Variants in ASTN2 observed in about 807,000 individuals in gnomAD.
ASTN2 encodes the protein astrotactin-2.
ASTN2 carries 54 observed loss-of-function variants against 139.8 expected under a neutral mutation model. The ratio of observed to expected loss-of-function variants is 0.39; its 90% confidence interval spans 0.31 to 0.48. The LOEUF (loss-of-function observed/expected upper bound fraction) is 0.48. ASTN2 is among the 20% of genes least tolerant of loss of function. The pLI is 0.95. For missense variants in ASTN2, 1,565 were observed against 1,725.1 expected (o/e 0.91, Z 1.64); for synonymous variants, 756 against 719.5 (o/e 1.05, Z -0.81).
intron 2 of ASTN2, among the ~76,000 whole-genome samples, chr9:117,273,553 T>C (rs943118370): frequency 6.6e-6 from 1 of 152,174 alleles, no homozygotes; most frequent in African/African-American, 2.4e-5. Flanking sequence ...ATGGTATTAT[T>C]AATAACAAAG....
At chr9:116,513,715 C>G (rs1850512025) in intron 19 of ASTN2, among the ~76,000 whole-genome samples, 1 of 152,122 alleles carries the variant, frequency 6.6e-6, no homozygotes. Flanking sequence ...ATTCTTTTTT[C>G]TCTAAACTTC....
At chr9:116,829,485 G>T (rs1831740958) in intron 11 of ASTN2, among the ~76,000 whole-genome samples, 1 of 152,050 alleles carries the variant, frequency 6.6e-6, no homozygotes, top group South Asian at 2.1e-4. Flanking sequence ...ATAAATAAAA[G>T]AGGTTTAATT....
chr9:116,575,334 C>T (rs934809953), intron 19 of ASTN2, among the ~76,000 whole-genome samples: 2 of 151,360 alleles, frequency 1.3e-5, no homozygotes, highest in Non-Finnish European at 2.9e-5. Flanking sequence ...ATGGTAAGGT[C>T]CAAAAAGATG....
chr9:116,735,634 C>T (rs541076029), intron 13 of ASTN2, among the ~76,000 whole-genome samples: 3 of 152,334 alleles, frequency 2.0e-5, no homozygotes, highest in Non-Finnish European at 2.9e-5. Flanking sequence ...AATGGCCATG[C>T]AGAATAATCA....
chr9:116,802,083 C>CTTTTTTTTTTTTTTTTT (rs796156202), intron 13 of ASTN2, among the ~76,000 whole-genome samples: 1 of 121,748 alleles, frequency 8.2e-6, no homozygotes, highest in Non-Finnish European at 1.7e-5. Context: ...TTCTTTCTTT[C>CTTTTTTTTTTTTTTTTT]TTTTTTTTTT....
chr9:116,569,066 ATTC>A (rs1853379647), intron 19 of ASTN2: 1 of 152,216 alleles, frequency 6.6e-6, no homozygotes, highest in South Asian at 2.1e-4. Flanking sequence ...TGAGCAAGAT[ATTC>A]TTCTTCTAGG....
intron 11 of ASTN2, among the ~76,000 whole-genome samples, chr9:116,840,212 G>A (rs1415412815): frequency 6.8e-6 from 1 of 148,018 alleles, no homozygotes. Flanking sequence ...CCGATCAACA[G>A]GATCCCAAGG....
chr9:116,882,780 T>C (rs1833482080), intron 10 of ASTN2, among the ~76,000 whole-genome samples: 1 of 151,744 alleles, frequency 6.6e-6, no homozygotes, highest in Non-Finnish European at 1.5e-5. Flanking sequence ...TGAGCTATGA[T>C]TGCGCCACTG....
At position 116,536,656 on chromosome 9, in the gene ASTN2, G is replaced by A. The variant is rs561887719; in HGVS notation, c.3356-49156C>T. 2.9e-4 allele frequency among the ~76,000 whole-genome samples: 44 copies of A among 152,386 alleles called. No homozygotes were observed. The East Asian group carries it at 5.6e-3, about 19-fold the overall frequency. On this transcript the variant is annotated intron_variant, in intron 19 of 22. Transcript: ENST00000313400. ...TGTTTGCCTGGGTATCAGCAGCGGA[G>A]GCTGCAGAACATCGAATATTGCTGA...
chr9:116,489,545 C>T (rs1236112691), intron 19 of ASTN2, among the ~76,000 whole-genome samples: 1 of 152,162 alleles, frequency 6.6e-6, no homozygotes, highest in Non-Finnish European at 1.5e-5. Flanking sequence ...CCCTGTTGCT[C>T]AGGCTGGTCT....
At chr9:117,291,542 G>C in intron 1 of ASTN2, 29 bp from the exon 2 acceptor site, 1 of 1,561,720 alleles carries the variant, frequency 6.4e-7, no homozygotes. Context: ...GGCACTGGGT[G>C]AGCCGTACGC....
At chr9:117,335,322 A>G (rs1274638671) in intron 1 of ASTN2, among the ~76,000 whole-genome samples, 1 of 152,178 alleles carries the variant, frequency 6.6e-6, no homozygotes, top group Non-Finnish European at 1.5e-5. Context: ...GATATCTCCA[A>G]ATTGCTATGA....
At chr9:117,094,973 C>G (rs1235765325) in intron 5 of ASTN2, among the ~76,000 whole-genome samples, 1 of 152,174 alleles carries the variant, frequency 6.6e-6, no homozygotes, top group Non-Finnish European at 1.5e-5. Flanking sequence ...TTGCAGTGTC[C>G]ACTGTGCATG....
chr9:117,016,620 C>G lies in ASTN2; in HGVS notation c.1424-8361G>C, dbSNP rs369444914. Among the ~76,000 whole-genome samples, 11 of 16,012 alleles carry G rather than the reference C, an allele frequency of 6.9e-4. 2 individuals are homozygous for G. The highest frequency in any genetic ancestry group is 3.6e-3 in the African/African-American group (9 of 2,532). 10.5% of individuals were successfully genotyped at this position (16,012 alleles called of 152,430 possible). ...TATATATATCTATATCTATATCTAT[C>G]TATCTATATATATATATATATATAT... On this transcript the variant is annotated intron_variant, in intron 6 of 22. Coordinates refer to ENST00000313400, the MANE Select transcript of ASTN2 (RefSeq NM_001365068.1).
intron 7 of ASTN2, among the ~76,000 whole-genome samples, chr9:117,004,383 T>C (rs754278577): frequency 1.3e-5 from 2 of 152,096 alleles, no homozygotes; most frequent in African/African-American, 2.4e-5. Flanking sequence ...AGCCTCTCAG[T>C]GCTGGGATTA....
intron 4 of ASTN2, among the ~76,000 whole-genome samples, chr9:117,137,139 A>T (rs1242674000): frequency 1.3e-5 from 2 of 152,196 alleles, no homozygotes; most frequent in African/African-American, 4.8e-5. Flanking sequence ...CCCCAGCACT[A>T]ACATGAAGTC....
intron 10 of ASTN2, among the ~76,000 whole-genome samples, chr9:116,901,657 T>C (rs550258771): frequency 6.6e-6 from 1 of 152,352 alleles, no homozygotes; most frequent in South Asian, 2.1e-4. Flanking sequence ...TAATAATACA[T>C]GACTATGTTA....
At chr9:117,201,874 G>A (rs571116771) in intron 3 of ASTN2, among the ~76,000 whole-genome samples, 5 of 152,244 alleles carry the variant, frequency 3.3e-5, no homozygotes, top group Admixed American at 6.5e-5. Context: ...CCAGAGCTGA[G>A]TTCAAGTCCT....
intron 1 of ASTN2, among the ~76,000 whole-genome samples, chr9:117,321,807 G>A (rs929522166): frequency 6.6e-6 from 1 of 152,158 alleles, no homozygotes; most frequent in African/African-American, 2.4e-5. Flanking sequence ...TTGTAGGGAT[G>A]TTGAGCAGCC....
Sources: allele counts gnomAD v4.1 joint callset (sites outside exome capture counted in the v4.1 genomes callset), GRCh38; gene constraint gnomAD v4.1.1; transcripts MANE v1.5; gene names NCBI Gene and HGNC (gene_info 2026-07-23, HGNC 2026-07-21).